GNA14: variants seen among roughly 807,000 people sequenced by gnomAD.
GNA14 encodes G protein subunit alpha 14.
A neutral mutation model predicts 42.0 loss-of-function variants in GNA14; 50 were observed. The ratio of observed to expected loss-of-function variants is 1.19; its 90% CI spans 0.95 to 1.51. The LOEUF (loss-of-function observed/expected upper bound fraction) is 1.51, where lower values mean the gene tolerates loss of function less well. GNA14 is among the 40% of genes most tolerant of loss of function. The pLI is 0.00. For missense variants in GNA14, 473 were observed against 446.2 expected (o/e 1.06, Z -0.54); for synonymous variants, 173 against 163.1 (o/e 1.06, Z -0.46).
chr9:77,494,177 C>T (rs1836833136), intron 2 of GNA14, among the ~76,000 whole-genome samples: 1 of 152,142 alleles, frequency 6.6e-6, no homozygotes, highest in African/African-American at 2.4e-5. Context: ...CCCACCCCAG[C>T]CTCCCAAAGT....
At chr9:77,435,754 A>C (rs78377012) in intron 2 of GNA14, among the ~76,000 whole-genome samples, 2,203 of 152,234 alleles carry the variant, frequency 0.014, 23 homozygotes, top group East Asian at 0.029. Context: ...ACCTCAGAAA[A>C]TGGAAAAGAT....
At chr9:77,467,996 G>A (rs894642292) in intron 2 of GNA14, among the ~76,000 whole-genome samples, 1 of 152,170 alleles carries the variant, frequency 6.6e-6, no homozygotes, top group Non-Finnish European at 1.5e-5. Flanking sequence ...GTGGGGAAAA[G>A]ATCTTCTCAG....
At chr9:77,450,711 C>G (rs1835889315) in intron 2 of GNA14, among the ~76,000 whole-genome samples, 1 of 151,676 alleles carries the variant, frequency 6.6e-6, no homozygotes, top group Non-Finnish European at 1.5e-5. Context: ...GCTAAGATAG[C>G]ACTTGATATG....
At chr9:77,450,943 C>A (rs183344495) in intron 2 of GNA14, among the ~76,000 whole-genome samples, 6 of 152,104 alleles carry the variant, frequency 3.9e-5, no homozygotes, top group Non-Finnish European at 8.8e-5. Context: ...CATGCCTTTG[C>A]TCCTTCTTCC....
At chr9:77,495,414 G>A (rs1011687191) in intron 2 of GNA14, among the ~76,000 whole-genome samples, 1 of 152,082 alleles carries the variant, frequency 6.6e-6, no homozygotes, top group Non-Finnish European at 1.5e-5. Flanking sequence ...ATAACATGTT[G>A]AATATGGGCA....
chr9:77,608,597 G>A (rs572673650), intron 1 of GNA14, among the ~76,000 whole-genome samples: 1 of 152,266 alleles, frequency 6.6e-6, no homozygotes, highest in Admixed American at 6.5e-5. Flanking sequence ...CCCTTGACCT[G>A]TGGTAAGAGT....
rs556492352 is a variant in GNA14, at chr9:77,575,807, T to A, written c.125-46554A>T. ...CCTCAGATATTCTGATTTAATTGAT[T>A]GAGTTGTCGGGGGCTGAACTTGGGG... On this transcript the variant is annotated intron_variant, in intron 1 of 6. Transcript: ENST00000341700. 9.5e-4 allele frequency among the ~76,000 whole-genome samples: 144 copies of A among 152,362 alleles called. 1 individual carries two copies. Among genetic ancestry groups the A allele is most frequent in the South Asian group, 3.5e-3 (17 of 4,830 alleles).
chr9:77,590,208 C>T (rs1002953979), intron 1 of GNA14, among the ~76,000 whole-genome samples: 8 of 152,188 alleles, frequency 5.3e-5, no homozygotes, highest in Non-Finnish European at 1.0e-4. Flanking sequence ...TGAGCCACCG[C>T]ACCCGGCCCC....
chr9:77,634,198 T>C (rs1300020445), intron 1 of GNA14, among the ~76,000 whole-genome samples: 4 of 151,914 alleles, frequency 2.6e-5, no homozygotes, highest in East Asian at 1.9e-4. Flanking sequence ...GGCAGGAGGA[T>C]TGCTTGAGAG....
chr9:77,541,614 C>G (rs1837661965), intron 1 of GNA14, among the ~76,000 whole-genome samples: 1 of 152,186 alleles, frequency 6.6e-6, no homozygotes, highest in African/African-American at 2.4e-5. Context: ...TCTATTATTT[C>G]ATTAAATATG....
intron 2 of GNA14, among the ~76,000 whole-genome samples, chr9:77,491,427 T>C (rs1480864590): frequency 6.6e-6 from 1 of 152,136 alleles, no homozygotes; most frequent in African/African-American, 2.4e-5. Context: ...CTGCTTTACT[T>C]ATAAAGACAC....
At chr9:77,467,328 A>G (rs867918582) in intron 2 of GNA14, among the ~76,000 whole-genome samples, 1 of 151,834 alleles carries the variant, frequency 6.6e-6, no homozygotes, top group African/African-American at 2.4e-5. Flanking sequence ...CAATAAATCT[A>G]CATGTTACTG....
At chr9:77,478,727 G>C (rs1469009694) in intron 2 of GNA14, among the ~76,000 whole-genome samples, 1 of 152,082 alleles carries the variant, frequency 6.6e-6, no homozygotes, top group Non-Finnish European at 1.5e-5. Flanking sequence ...ATTCTAACTG[G>C]TGTGAGATGG....
intron 2 of GNA14, among the ~76,000 whole-genome samples, chr9:77,484,823 G>A (rs549064781): frequency 6.6e-6 from 1 of 152,158 alleles, no homozygotes; most frequent in African/African-American, 2.4e-5. Context: ...CAAAAGTTAG[G>A]TTTATACTCT....
Position 77,518,964 on chromosome 9 carries a change from G to T in GNA14, c.309+10105C>A, listed in dbSNP as rs532486309. Among the ~76,000 whole-genome samples, 4 of 152,108 alleles carry T rather than the reference G, an allele frequency of 2.6e-5. No homozygotes were observed. In the South Asian group the frequency reaches 8.3e-4, roughly 32 times the overall value. On this transcript the variant is annotated intron_variant, in intron 2 of 6. Coordinates refer to ENST00000341700, the MANE Select transcript of GNA14 (RefSeq NM_004297.4). ...CTTAAATTAAACCTGACAGGGTTTT[G>T]GTGTCAGAAATCAAGGTCAAGTACA...
At chr9:77,548,663 C>T (rs564826169) in intron 1 of GNA14, among the ~76,000 whole-genome samples, 1 of 152,306 alleles carries the variant, frequency 6.6e-6, no homozygotes, top group African/African-American at 2.4e-5. Context: ...TTGTCTTACC[C>T]GCCATCCAGT....
At chr9:77,554,698 G>T (rs544789907) in intron 1 of GNA14, among the ~76,000 whole-genome samples, 28 of 152,280 alleles carry the variant, frequency 1.8e-4, no homozygotes, top group African/African-American at 5.5e-4. Flanking sequence ...GAGCTGCACT[G>T]TAATTCCTTT....
intron 2 of GNA14, among the ~76,000 whole-genome samples, chr9:77,462,651 G>A (rs540249612): frequency 6.7e-6 from 1 of 149,058 alleles, no homozygotes; most frequent in Non-Finnish European, 1.5e-5. Flanking sequence ...AACCTGGGAG[G>A]TGGAGGTTGC....
intron 1 of GNA14, among the ~76,000 whole-genome samples, chr9:77,531,718 G>C (rs1389936965): frequency 1.3e-5 from 2 of 152,132 alleles, no homozygotes; most frequent in African/African-American, 4.8e-5. Flanking sequence ...TCTACACTAA[G>C]AGAATCTTTT....
Sources: allele counts gnomAD v4.1 joint callset (sites outside exome capture counted in the v4.1 genomes callset), GRCh38; gene constraint gnomAD v4.1.1; transcripts MANE v1.5; gene names NCBI Gene and HGNC (gene_info 2026-07-23, HGNC 2026-07-21).